MRM2: variants seen among roughly 807,000 people sequenced by gnomAD.
MRM2 encodes mitochondrial rRNA methyltransferase 2.
A neutral mutation model predicts 10.9 loss-of-function variants in MRM2; 15 were observed. The ratio of observed to expected loss-of-function variants is 1.37; its 90% CI spans 0.92 to 2.11. MRM2 has a LOEUF of 2.11. MRM2 is among the 30% of genes most tolerant of loss of function. The probability of loss-of-function intolerance (pLI) is 0.00; values close to 1 mark genes in which losing one functional copy is unlikely to be tolerated. For synonymous variants in MRM2, 139 were observed against 128.7 expected, an observed-to-expected ratio of 1.08 and a Z score of -0.54; for missense variants, 328 against 321.3, an observed-to-expected ratio of 1.02 and a Z score of -0.16.
In MRM2 at chr7:2,235,430, C is replaced by T; in HGVS notation, c.433G>A (p.Gly145Ser). 6.2e-7 allele frequency: 1 copy of T among 1,614,060 alleles called. No homozygotes were observed. Among genetic ancestry groups the T allele is most frequent in the Non-Finnish European group, 8.5e-7 (1 of 1,180,020 alleles). Residue 145 changes from glycine to serine, a missense_variant, in exon 3 of 3, where the codon GGC becomes AGC. Coordinates refer to ENST00000242257, the MANE Select transcript of MRM2 (RefSeq NM_013393.3). ...TSQRILEVLP[G>S]RRADVILSDM... ...CTCAGAATCACATCTGCTCTCCTGCCAGGAAGCACCTCGAGGATTCTCTGT... is the reference window on the plus strand; with the variant it reads ...CTCAGAATCACATCTGCTCTCCTGCTAGGAAGCACCTCGAGGATTCTCTGT...
intron 1 of MRM2, among the ~76,000 whole-genome samples, chr7:2,240,473 T>A (rs1794503108): frequency 6.8e-6 from 1 of 147,620 alleles, no homozygotes. Flanking sequence ...AGGTCACGGT[T>A]CAACGCAGAT....
intron 1 of MRM2, 77 bp from the exon 2 acceptor site, chr7:2,239,784 C>G: frequency 3.0e-6 from 4 of 1,314,090 alleles, no homozygotes; most frequent in Non-Finnish European, 4.3e-6. Context: ...GCCCTCGGAT[C>G]AACTCATTCA....
intron 2 of MRM2, among the ~76,000 whole-genome samples, chr7:2,236,934 A>G (rs1794429132): frequency 6.6e-6 from 1 of 152,182 alleles, no homozygotes; most frequent in Non-Finnish European, 1.5e-5. Context: ...TATAGGCAAC[A>G]AGTCTTGTTT....
In MRM2 at chr7:2,239,517, G is replaced by A; in HGVS notation, c.199C>T (p.His67Tyr). The change falls in exon 2 of 3, where the codon CAC becomes TAC. Residue 67 changes from histidine to tyrosine, a missense_variant. Transcript: ENST00000242257. ...AFKLLEVNER[H>Y]QILRPGLRVL... Reference sequence around the variant, plus strand: ...CGAAGGCCGGGCCGCAGAATCTGGTGCCTCTCGTTCACCTCCAGGAGCTTG... The same window carrying A: ...CGAAGGCCGGGCCGCAGAATCTGGTACCTCTCGTTCACCTCCAGGAGCTTG... The A allele has an allele frequency of 6.2e-7, 1 of 1,614,026 alleles. No homozygotes were observed. Among genetic ancestry groups the A allele is most frequent in the Non-Finnish European group, 8.5e-7 (1 of 1,180,012 alleles).
chr7:2,235,695 G>C, intron 2 of MRM2, 131 bp from the exon 3 acceptor site: 2 of 639,094 alleles, frequency 3.1e-6, no homozygotes, highest in Non-Finnish European at 5.4e-6. Context: ...TGTGCAAATA[G>C]GTAAACACAG....
chr7:2,241,512 G>A (rs1794538673), intron 1 of MRM2, among the ~76,000 whole-genome samples: 1 of 150,712 alleles, frequency 6.6e-6, no homozygotes, highest in South Asian at 2.1e-4. Context: ...ACATTGCCTA[G>A]GCTGGTCTCG....
chr7:2,235,556 A>G lies in MRM2; in HGVS notation c.307T>C (p.Ser103Pro). 6.2e-7 allele frequency: 1 copy of G among 1,603,290 alleles called. No individual in the cohort carries two copies. The highest frequency in any genetic ancestry group is 8.5e-7 in the Non-Finnish European group (1 of 1,173,408). Residue 103 changes from serine to proline, a missense_variant, in exon 3 of 3, where the codon TCT (serine) becomes CCT (proline). Physicochemically the swap from Ser to Pro is moderately conservative, Grantham distance 74. Coordinates refer to ENST00000242257, the MANE Select transcript of MRM2 (RefSeq NM_013393.3). ...KVNAAGTDPS[S>P]PVGFVLGVDL... ...ACCCCAAGCACGAAGCCAACAGGAG[A>G]GCTGGGATCTATGGAAGAAATGGTG...
At chr7:2,237,759 T>A (rs773311061) in intron 2 of MRM2, among the ~76,000 whole-genome samples, 27 of 151,888 alleles carry the variant, frequency 1.8e-4, no homozygotes, top group Non-Finnish European at 3.5e-4. Flanking sequence ...CTGGCCAACA[T>A]GGCAAAACCT....
chr7:2,234,879 G>A lies in MRM2; in HGVS notation c.*243C>T. The A allele has an allele frequency of 1.9e-6, 1 of 521,846 alleles. No individual in the cohort carries two copies. Among genetic ancestry groups the A allele is most frequent in the Non-Finnish European group, 3.4e-6 (1 of 293,500 alleles). The allele number at this position is 521,846 out of a possible 1,614,324, so 32.3% of individuals were successfully genotyped here. ...CCTTCCATCCTCACCTCTTTCTCTT[G>A]ATAACTTTCTCTTCCCAAATCACAA... On this transcript the variant is annotated 3_prime_UTR_variant, in exon 3 of 3. Coordinates refer to ENST00000242257, the MANE Select transcript of MRM2 (RefSeq NM_013393.3).
intron 2 of MRM2, chr7:2,238,994 TA>T: frequency 1.8e-5 from 1 of 55,166 alleles, no homozygotes; most frequent in Non-Finnish European, 3.1e-5. Flanking sequence ...TATATATATA[TA>T]TATATATATA....
intron 1 of MRM2, 141 bp from the exon 2 acceptor site, chr7:2,239,848 C>T (rs1794490082): frequency 2.8e-6 from 2 of 708,586 alleles, no homozygotes; most frequent in South Asian, 3.6e-5. Flanking sequence ...GATAAGGCTA[C>T]ACAGATGGAA....
chr7:2,235,576 ATGG>A lies in MRM2; in HGVS notation c.299-15_299-13del, dbSNP rs1794407221. ...AGGAGAGCTGGGATCTATGGAAGAA[ATGG>A]TGAATGTGTTATTTATTTACACCCT... On this transcript the variant is annotated splice_polypyrimidine_tract_variant and intron_variant, in intron 2 of 2. Coordinates refer to ENST00000242257, the MANE Select transcript of MRM2 (RefSeq NM_013393.3). 3 of 1,566,636 alleles carry A rather than the reference ATGG, an allele frequency of 1.9e-6. No homozygotes were observed. The African/African-American group carries it at 4.1e-5, about 21-fold the overall frequency.
chr7:2,235,703 C>G, intron 2 of MRM2, 139 bp from the exon 3 acceptor site: 1 of 630,900 alleles, frequency 1.6e-6, no homozygotes, highest in South Asian at 2.0e-5. Flanking sequence ...TAGGTAAACA[C>G]AGGCCTTCTC....
chr7:2,237,691 G>A (rs6963660), intron 2 of MRM2, among the ~76,000 whole-genome samples: 4,340 of 152,204 alleles, frequency 0.029, 93 homozygotes, highest in African/African-American at 0.042. Flanking sequence ...GAAGCACCTC[G>A]AGGATGCTGG....
chr7:2,238,637 A>G (rs942829714), intron 2 of MRM2: 2 of 152,204 alleles, frequency 1.3e-5, no homozygotes, highest in African/African-American at 4.8e-5. Context: ...AAAGATGTCA[A>G]TACATCATTA....
In MRM2 at chr7:2,235,493, A is replaced by C. The variant is rs1291158532; in HGVS notation, c.370T>G (p.Phe124Val). Residue 124 changes from phenylalanine to valine, a missense_variant, in exon 3 of 3, where the codon TTT becomes GTT. By Grantham distance (50) the Phe-to-Val change is conservative. Coordinates refer to ENST00000242257, the MANE Select transcript of MRM2 (RefSeq NM_013393.3). ...TCAGTCACGTCAGCAGGGCACAGAA[A>C]AGTTGCTCCTTCCAGGGGGAATATG... ...LHIFPLEGAT[F>V]LCPADVTDPR... is the part of the protein sequence containing the mutation. 6.2e-7 allele frequency: 1 copy of C among 1,613,796 alleles called. No homozygotes were observed. The highest frequency in any genetic ancestry group is 8.5e-7 in the Non-Finnish European group (1 of 1,179,998).
At chr7:2,239,011 A>AAT (rs1794471162) in intron 2 of MRM2, 4 of 56,164 alleles carry the variant, frequency 7.1e-5, no homozygotes, top group African/African-American at 3.4e-4. Flanking sequence ...ATATATATAT[A>AAT]TATATATATA....
chr7:2,236,209 G>A (rs552978749), intron 2 of MRM2, among the ~76,000 whole-genome samples: 4 of 152,232 alleles, frequency 2.6e-5, no homozygotes, highest in South Asian at 4.1e-4. Flanking sequence ...CAGCCTTGGC[G>A]ACAGAGCGAG....
chr7:2,241,547 C>T (rs1027732567), intron 1 of MRM2, among the ~76,000 whole-genome samples: 5 of 152,156 alleles, frequency 3.3e-5, no homozygotes, highest in African/African-American at 1.2e-4. Context: ...AACGATCCTC[C>T]TGCCTCAGAC....
Sources: allele counts gnomAD v4.1 joint callset (sites outside exome capture counted in the v4.1 genomes callset), GRCh38; gene constraint gnomAD v4.1.1; transcripts MANE v1.5; gene names NCBI Gene and HGNC (gene_info 2026-07-23, HGNC 2026-07-21).